The following MAN2A1 variants were observed in gnomAD, a reference collection of about 807,000 sequenced individuals.
MAN2A1 encodes the protein mannosidase alpha class 2A member 1.
In MAN2A1, 76 loss-of-function variants were observed where a neutral mutation model predicts 142.6. The ratio of observed to expected loss-of-function variants is 0.53; its 90% CI spans 0.44 to 0.65. The LOEUF is 0.65. Ranked by LOEUF, MAN2A1 falls within the 30% of genes least tolerant of loss-of-function variation. MAN2A1 has a pLI of 0.00. For synonymous variants in MAN2A1, 559 were observed against 473.2 expected (o/e 1.18, Z -2.35); for missense variants, 1,311 against 1,365.1 (o/e 0.96, Z 0.62).
At chr5:109,812,513 G>A (rs567256926) in intron 12 of MAN2A1, among the ~76,000 whole-genome samples, 1 of 152,134 alleles carries the variant, frequency 6.6e-6, no homozygotes, top group African/African-American at 2.4e-5. Context: ...TCAGAATACT[G>A]TATAAAGCTT....
intron 5 of MAN2A1, among the ~76,000 whole-genome samples, chr5:109,764,097 G>A (rs774706756): frequency 1.6e-4 from 24 of 151,946 alleles, no homozygotes; most frequent in Non-Finnish European, 2.8e-4. Flanking sequence ...CACCGTGTCC[G>A]GCCTATTATA....
intron 4 of MAN2A1, among the ~76,000 whole-genome samples, chr5:109,732,712 A>G (rs1165004534): frequency 2.6e-5 from 4 of 152,076 alleles, no homozygotes; most frequent in South Asian, 2.1e-4. Context: ...GTTCTGTTCC[A>G]TTGATGTATA....
At chr5:109,702,711 C>T (rs1021514221) in intron 1 of MAN2A1, among the ~76,000 whole-genome samples, 13 of 152,142 alleles carry the variant, frequency 8.5e-5, no homozygotes, top group Non-Finnish European at 1.8e-4. Flanking sequence ...TTGAGAAGAA[C>T]TCCAGAAATT....
At chr5:109,781,270 G>C (rs1753448134) in intron 8 of MAN2A1, 126 bp from the exon 9 acceptor site, 2 of 548,664 alleles carry the variant, frequency 3.6e-6, no homozygotes, top group Non-Finnish European at 6.2e-6. Context: ...TATAAAATCT[G>C]AGCTATGTAT....
At chr5:109,754,327 T>C (rs1327796957) in intron 4 of MAN2A1, among the ~76,000 whole-genome samples, 1 of 152,116 alleles carries the variant, frequency 6.6e-6, no homozygotes, top group Non-Finnish European at 1.5e-5. Context: ...TTTATTAGGA[T>C]TAGGGATCTT....
chr5:109,743,721 G>A (rs1485644859), intron 4 of MAN2A1, among the ~76,000 whole-genome samples: 1 of 152,076 alleles, frequency 6.6e-6, no homozygotes, highest in East Asian at 1.9e-4. Context: ...CCTCCAAATG[G>A]CCTTTCCATT....
At chr5:109,746,018 T>A (rs992795578) in intron 4 of MAN2A1, among the ~76,000 whole-genome samples, 7 of 152,238 alleles carry the variant, frequency 4.6e-5, no homozygotes, top group African/African-American at 1.7e-4. Context: ...CTCTGTTGCC[T>A]AGGCTGAGTG....
At chr5:109,840,829 T>C in intron 16 of MAN2A1, 1 of 212,294 alleles carries the variant, frequency 4.7e-6, no homozygotes. Flanking sequence ...AGAAGCCTTG[T>C]GTTCAGTAGG....
At chr5:109,739,806 C>G (rs1752215365) in intron 4 of MAN2A1, among the ~76,000 whole-genome samples, 1 of 152,134 alleles carries the variant, frequency 6.6e-6, no homozygotes, top group South Asian at 2.1e-4. Context: ...TGGTCTCTCA[C>G]CCAAGGAAGT....
chr5:109,766,341 C>A (rs1752989622), intron 5 of MAN2A1, among the ~76,000 whole-genome samples: 1 of 152,096 alleles, frequency 6.6e-6, no homozygotes, highest in Non-Finnish European at 1.5e-5. Context: ...AAATAGAGTT[C>A]AATATTTCTT....
chr5:109,776,970 T>G (rs1753309854), intron 8 of MAN2A1, among the ~76,000 whole-genome samples: 1 of 152,158 alleles, frequency 6.6e-6, no homozygotes, highest in Non-Finnish European at 1.5e-5. Context: ...CATTTTTTGA[T>G]GAATATACCA....
chr5:109,690,644 C>T, intron 1 of MAN2A1, 92 bp downstream of exon 1: 11 of 1,404,358 alleles, frequency 7.8e-6, no homozygotes, highest in Non-Finnish European at 1.1e-5. Context: ...CCTCCCGCCG[C>T]GGCCCCACAC....
intron 3 of MAN2A1, among the ~76,000 whole-genome samples, chr5:109,725,998 C>T (rs1455046512): frequency 3.3e-5 from 5 of 152,034 alleles, no homozygotes; most frequent in African/African-American, 1.2e-4. Context: ...AATATTTCCC[C>T]ACTTATTTAA....
At chr5:109,827,532 A>G (rs1754788471) in intron 16 of MAN2A1, among the ~76,000 whole-genome samples, 1 of 152,204 alleles carries the variant, frequency 6.6e-6, no homozygotes, top group Admixed American at 6.5e-5. Context: ...TTTGAAACAG[A>G]GTTGAGAGGC....
chr5:109,762,061 G>A (rs1752857608), intron 5 of MAN2A1, among the ~76,000 whole-genome samples: 1 of 152,014 alleles, frequency 6.6e-6, no homozygotes, highest in African/African-American at 2.4e-5. Flanking sequence ...GAGATAACCT[G>A]TTTTGTGATA....
At chr5:109,716,755 G>C (rs1282676881) in intron 3 of MAN2A1, among the ~76,000 whole-genome samples, 2 of 152,282 alleles carry the variant, frequency 1.3e-5, no homozygotes, top group East Asian at 1.9e-4. Flanking sequence ...ATCAGTGTTA[G>C]ATGACTTTAG....
chr5:109,804,366 T>G (rs573070007), intron 12 of MAN2A1: 1 of 748,474 alleles, frequency 1.3e-6, no homozygotes, highest in South Asian at 6.0e-5. Flanking sequence ...TTTTATTTTT[T>G]TTAGGCAAGA....
chr5:109,738,886 C>A (rs1752186044), intron 4 of MAN2A1, among the ~76,000 whole-genome samples: 1 of 152,046 alleles, frequency 6.6e-6, no homozygotes. Flanking sequence ...ACTCTGTTCT[C>A]AGGCTGGAGT....
At chr5:109,803,194 A>G (rs1754077653) in intron 12 of MAN2A1, among the ~76,000 whole-genome samples, 1 of 152,046 alleles carries the variant, frequency 6.6e-6, no homozygotes, top group African/African-American at 2.4e-5. Flanking sequence ...AAATTCTTTT[A>G]GATTTTATTT....
Sources: allele counts gnomAD v4.1 joint callset (sites outside exome capture counted in the v4.1 genomes callset), GRCh38; gene constraint gnomAD v4.1.1; transcripts MANE v1.5; gene names NCBI Gene and HGNC (gene_info 2026-07-23, HGNC 2026-07-21).